Variants in CNTN4 observed in about 807,000 individuals in gnomAD.
CNTN4 encodes the protein contactin 4, also known as contactin-4.
A neutral mutation model predicts 122.5 loss-of-function variants in CNTN4; 77 were observed. The ratio of observed to expected loss-of-function variants is 0.63; its 90% confidence interval spans 0.52 to 0.76. The LOEUF (loss-of-function observed/expected upper bound fraction) is 0.76. Among genes scored for constraint, CNTN4 ranks in the 30% least tolerant of loss-of-function variants. The pLI is 0.00. For missense variants in CNTN4, 1,256 were observed against 1,259.1 expected (o/e 1.00, Z 0.04); for synonymous variants, 512 against 447.0 (o/e 1.15, Z -1.83).
Position 3,004,613 on chromosome 3 carries a change from G to A in CNTN4, c.1486+16141G>A, listed in dbSNP as rs1017407465. On this transcript the variant is annotated intron_variant, in intron 14 of 24. Transcript: ENST00000418658. ...ACCACCTATAAGCTGTTGAAAGTGC[G>A]TTTGTAAAATTTATATAATAGTACC... is the stretch of plus-strand genomic sequence containing the variant. Among the ~76,000 whole-genome samples, 15 of 152,288 alleles carry A rather than the reference G, an allele frequency of 9.8e-5. No individual in the cohort carries two copies. In the South Asian group the frequency reaches 1.7e-3, roughly 17 times the overall value.
intron 13 of CNTN4, among the ~76,000 whole-genome samples, chr3:2,986,883 T>A (rs1324573128): frequency 6.6e-6 from 1 of 152,212 alleles, no homozygotes; most frequent in African/African-American, 2.4e-5. Flanking sequence ...ACACCATCCC[T>A]TCCCTCAGAG....
chr3:2,696,833 A>G (rs1306892174), intron 4 of CNTN4, among the ~76,000 whole-genome samples: 1 of 147,018 alleles, frequency 6.8e-6, no homozygotes, highest in Non-Finnish European at 1.5e-5. Flanking sequence ...CCATTTCATA[A>G]GAGTTGTGTC....
At chr3:3,056,078 C>T (rs374991616) in intron 24 of CNTN4, 42 bp from the exon 25 acceptor site, 25 of 1,509,654 alleles carry the variant, frequency 1.7e-5, no homozygotes, top group East Asian at 2.3e-5. Context: ...CCTTTGAAGC[C>T]GGGATGGGGC....
At chr3:2,107,258 C>G (rs547047334) in intron 2 of CNTN4, among the ~76,000 whole-genome samples, 4 of 152,296 alleles carry the variant, frequency 2.6e-5, no homozygotes, top group East Asian at 1.9e-4. Flanking sequence ...TACCAATTTA[C>G]TGCATTAGTC....
intron 4 of CNTN4, among the ~76,000 whole-genome samples, chr3:2,649,628 A>G (rs1576341199): frequency 6.6e-6 from 1 of 152,296 alleles, no homozygotes; most frequent in Non-Finnish European, 1.5e-5. Context: ...TGATGGAGAT[A>G]TATTAGGAGA....
intron 15 of CNTN4, among the ~76,000 whole-genome samples, chr3:3,026,956 A>G (rs923180768): frequency 6.6e-6 from 1 of 152,142 alleles, no homozygotes; most frequent in Non-Finnish European, 1.5e-5. Context: ...CTGTGATCCC[A>G]TTGACAATAA....
intron 4 of CNTN4, among the ~76,000 whole-genome samples, chr3:2,588,734 C>T (rs949417625): frequency 2.1e-5 from 3 of 146,274 alleles, no homozygotes; most frequent in African/African-American, 7.6e-5. Context: ...CAGTGTTGTG[C>T]ATCTTGCGTT....
intron 7 of CNTN4, among the ~76,000 whole-genome samples, chr3:2,823,563 G>C (rs990442289): frequency 6.6e-6 from 1 of 152,258 alleles, no homozygotes; most frequent in Middle Eastern, 3.4e-3. Flanking sequence ...AAATCACTTT[G>C]ATGGACTCTG....
intron 7 of CNTN4, among the ~76,000 whole-genome samples, chr3:2,839,361 A>G (rs2093301899): frequency 6.6e-6 from 1 of 152,070 alleles, no homozygotes; most frequent in Non-Finnish European, 1.5e-5. Flanking sequence ...GGGGGCAGGA[A>G]AGAGAAAATT....
At chr3:2,406,922 G>A (rs1444766667) in intron 3 of CNTN4, among the ~76,000 whole-genome samples, 1 of 152,146 alleles carries the variant, frequency 6.6e-6, no homozygotes, top group East Asian at 1.9e-4. Context: ...ATATGATATA[G>A]CAGGTAAACA....
intron 2 of CNTN4, among the ~76,000 whole-genome samples, chr3:2,327,556 T>C (rs1003562981): frequency 2.0e-5 from 3 of 152,198 alleles, no homozygotes; most frequent in Non-Finnish European, 4.4e-5. Flanking sequence ...ATATATGTTT[T>C]ACATGTATTT....
intron 3 of CNTN4, among the ~76,000 whole-genome samples, chr3:2,466,846 A>G (rs2075514524): frequency 6.6e-6 from 1 of 152,162 alleles, no homozygotes; most frequent in South Asian, 2.1e-4. Context: ...AACTATTTTC[A>G]TTCCAACTGT....
intron 2 of CNTN4, among the ~76,000 whole-genome samples, chr3:2,185,707 A>C (rs1361812351): frequency 4.6e-5 from 7 of 152,222 alleles, no homozygotes; most frequent in Admixed American, 2.6e-4. Flanking sequence ...ATTTCCAGAG[A>C]TCTTGGACTG....
At chr3:2,548,714 A>T (rs545676572) in intron 3 of CNTN4, among the ~76,000 whole-genome samples, 16 of 152,138 alleles carry the variant, frequency 1.1e-4, no homozygotes, top group Non-Finnish European at 2.2e-4. Flanking sequence ...TTTGTGAAGA[A>T]AGTCAATGGT....
chr3:2,649,971 A>G (rs2077398834), intron 4 of CNTN4, among the ~76,000 whole-genome samples: 1 of 150,102 alleles, frequency 6.7e-6, no homozygotes, highest in Non-Finnish European at 1.5e-5. Flanking sequence ...TACTAAAAAT[A>G]CAAATATATC....
intron 3 of CNTN4, among the ~76,000 whole-genome samples, chr3:2,540,271 G>C (rs145607898): frequency 6.6e-6 from 1 of 152,112 alleles, no homozygotes; most frequent in Non-Finnish European, 1.5e-5. Flanking sequence ...GTGGTTGAAT[G>C]GTAACAGGCA....
At chr3:2,619,046 A>G (rs547306293) in intron 4 of CNTN4, among the ~76,000 whole-genome samples, 1 of 152,316 alleles carries the variant, frequency 6.6e-6, no homozygotes, top group East Asian at 1.9e-4. Context: ...ATAATGAGAC[A>G]GTAGCACTTA....
At chr3:2,221,423 C>G (rs942273766) in intron 2 of CNTN4, among the ~76,000 whole-genome samples, 1 of 151,328 alleles carries the variant, frequency 6.6e-6, no homozygotes, top group Non-Finnish European at 1.5e-5. Flanking sequence ...TACAAATCAT[C>G]TAAATATAAG....
chr3:2,593,434 A>G (rs1403629772), intron 4 of CNTN4, among the ~76,000 whole-genome samples: 1 of 152,244 alleles, frequency 6.6e-6, no homozygotes. Context: ...GTGGTTAGGT[A>G]TAATTTTCCC....
Sources: allele counts gnomAD v4.1 joint callset (sites outside exome capture counted in the v4.1 genomes callset), GRCh38; gene constraint gnomAD v4.1.1; transcripts MANE v1.5; gene names NCBI Gene and HGNC (gene_info 2026-07-23, HGNC 2026-07-21).